PTPRN2: variants seen among roughly 807,000 people sequenced by gnomAD.
PTPRN2 encodes protein tyrosine phosphatase receptor type N2, also known as receptor-type tyrosine-protein phosphatase N2.
A neutral mutation model predicts 118.8 loss-of-function variants in PTPRN2; 74 were observed. The ratio of observed to expected loss-of-function variants is 0.62; its 90% confidence interval spans 0.52 to 0.76. The LOEUF is 0.76. Ranked by LOEUF, PTPRN2 falls within the 30% of genes least tolerant of loss-of-function variation. PTPRN2 has a pLI of 0.00. For missense variants in PTPRN2, 1,481 were observed against 1,394.4 expected (o/e 1.06, Z -0.99); for synonymous variants, 641 against 608.0 (o/e 1.05, Z -0.80).
At chr7:158,183,175 C>T (rs1824859928) in intron 5 of PTPRN2, among the ~76,000 whole-genome samples, 1 of 152,166 alleles carries the variant, frequency 6.6e-6, no homozygotes, top group Non-Finnish European at 1.5e-5. Context: ...ACTTTATATG[C>T]ATCTTTATGT....
intron 10 of PTPRN2, among the ~76,000 whole-genome samples, chr7:158,094,979 T>C (rs1324883136): frequency 1.3e-5 from 2 of 152,136 alleles, no homozygotes; most frequent in Non-Finnish European, 2.9e-5. Context: ...CAACTCCAGT[T>C]TGCAATCCCA....
intron 10 of PTPRN2, among the ~76,000 whole-genome samples, chr7:158,095,650 T>A (rs1194992003): frequency 6.6e-6 from 1 of 152,150 alleles, no homozygotes; most frequent in Non-Finnish European, 1.5e-5. Context: ...AATAAGCCCC[T>A]GTTATGGGCC....
At chr7:157,961,532 C>CA (rs66472051) in intron 11 of PTPRN2, among the ~76,000 whole-genome samples, 3,040 of 131,010 alleles carry the variant, frequency 0.023, 40 homozygotes, top group Non-Finnish European at 0.029. Context: ...GACTCTGTCT[C>CA]AAAAAAAAAA....
At chr7:158,223,901 C>CTACA (rs1247084219) in intron 3 of PTPRN2, among the ~76,000 whole-genome samples, 10 of 152,230 alleles carry the variant, frequency 6.6e-5, no homozygotes, top group Non-Finnish European at 7.4e-5. Context: ...TCCTGATTAT[C>CTACA]TACACAGAAA....
chr7:157,758,067 G>A (rs915307229), intron 12 of PTPRN2, among the ~76,000 whole-genome samples: 2 of 152,138 alleles, frequency 1.3e-5, no homozygotes, highest in African/African-American at 4.8e-5. Flanking sequence ...ACGCGGTCTC[G>A]GGACTGACGG....
intron 2 of PTPRN2, among the ~76,000 whole-genome samples, chr7:158,440,547 G>A (rs1196648651): frequency 6.7e-6 from 1 of 150,214 alleles, no homozygotes; most frequent in Non-Finnish European, 1.5e-5. Flanking sequence ...TGGTGGTGGT[G>A]GCAGTGGCGG....
intron 12 of PTPRN2, among the ~76,000 whole-genome samples, chr7:157,735,344 G>C (rs755935059): frequency 7.2e-5 from 11 of 152,182 alleles, no homozygotes; most frequent in Non-Finnish European, 1.6e-4. Context: ...GACCCAGCTG[G>C]GTGCAGCCAT....
chr7:158,451,849 G>A (rs1054943081), intron 2 of PTPRN2, among the ~76,000 whole-genome samples: 3 of 151,956 alleles, frequency 2.0e-5, no homozygotes, highest in Non-Finnish European at 4.4e-5. Flanking sequence ...TAATTCCATC[G>A]CAAAATTATT....
intron 11 of PTPRN2, chr7:158,029,443 A>T (rs1295047874): frequency 2.0e-5 from 3 of 152,270 alleles, no homozygotes; most frequent in African/African-American, 4.8e-5. Flanking sequence ...CTGAAGAAAA[A>T]GAAGAGATAT....
At chr7:158,285,500 C>G (rs1799708833) in intron 3 of PTPRN2, among the ~76,000 whole-genome samples, 1 of 152,218 alleles carries the variant, frequency 6.6e-6, no homozygotes, top group Non-Finnish European at 1.5e-5. Context: ...CCATGCTGCT[C>G]CTGCAGGCGG....
Position 158,544,765 on chromosome 7 carries a change from A to G in PTPRN2, c.112+42793T>C, listed in dbSNP as rs995830909. On this transcript the variant is annotated intron_variant, in intron 1 of 22. Transcript: ENST00000389418. The surrounding 1 kb of genome is among the most constrained non-coding windows in gnomAD (Gnocchi z 4.2). ...CAGTGTAACCCGGGGATACCAAAAG[A>G]TTGGGTGCCCCTGCTCTAGAGTGAA... Among the ~76,000 whole-genome samples, 1 of 152,192 alleles carries G rather than the reference A, an allele frequency of 6.6e-6. No individual in the cohort carries two copies. Among genetic ancestry groups the G allele is most frequent in the African/African-American group, 2.4e-5 (1 of 41,426 alleles).
intron 3 of PTPRN2, among the ~76,000 whole-genome samples, chr7:158,256,582 G>A (rs1009876193): frequency 4.6e-5 from 7 of 151,878 alleles, no homozygotes; most frequent in African/African-American, 7.3e-5. Context: ...TGGCGGGGGC[G>A]GGGGGGAACC....
chr7:158,019,462 G>A (rs147238426), intron 11 of PTPRN2, among the ~76,000 whole-genome samples: 21 of 152,382 alleles, frequency 1.4e-4, no homozygotes, highest in African/African-American at 3.1e-4. Flanking sequence ...CAGACAGCGC[G>A]GTAGAGGCCA....
intron 12 of PTPRN2, among the ~76,000 whole-genome samples, chr7:157,843,168 C>G (rs895614443): frequency 6.6e-6 from 1 of 152,184 alleles, no homozygotes; most frequent in African/African-American, 2.4e-5. Context: ...GATAATGTAG[C>G]CTTCAAATGT....
intron 2 of PTPRN2, among the ~76,000 whole-genome samples, chr7:158,378,054 C>G (rs561563897): frequency 6.6e-6 from 1 of 152,184 alleles, no homozygotes; most frequent in African/African-American, 2.4e-5. Flanking sequence ...AGGTGTGACA[C>G]GGCAGGTCCT....
intron 1 of PTPRN2, among the ~76,000 whole-genome samples, chr7:158,557,476 G>A (rs1049263808): frequency 6.6e-6 from 1 of 152,250 alleles, no homozygotes; most frequent in Non-Finnish European, 1.5e-5. Flanking sequence ...TGGTGCCATG[G>A]TCCACTCAGT....
At chr7:157,994,520 A>ACG (rs1563309565) in intron 11 of PTPRN2, among the ~76,000 whole-genome samples, 1 of 119,454 alleles carries the variant, frequency 8.4e-6, no homozygotes, top group African/African-American at 4.0e-5. Context: ...TCAGCACCGC[A>ACG]TCCCCAGCTT....
chr7:157,906,527 G>T (rs576644561), intron 11 of PTPRN2, among the ~76,000 whole-genome samples: 1 of 152,312 alleles, frequency 6.6e-6, no homozygotes, highest in African/African-American at 2.4e-5. Context: ...GGACAATCCC[G>T]GACTGGGCTC....
intron 3 of PTPRN2, among the ~76,000 whole-genome samples, chr7:158,265,440 G>A (rs867711513): frequency 6.6e-5 from 10 of 151,954 alleles, no homozygotes; most frequent in Middle Eastern, 3.4e-3. Context: ...GGGCACACCT[G>A]CAGGCAGGTA....
Sources: allele counts gnomAD v4.1 joint callset (sites outside exome capture counted in the v4.1 genomes callset), GRCh38; gene constraint gnomAD v4.1.1; non-coding constraint Gnocchi (gnomAD v3.1); transcripts MANE v1.5; gene names NCBI Gene and HGNC (gene_info 2026-07-23, HGNC 2026-07-21).